The following PTPRN2 variants were observed in gnomAD, a reference collection of about 807,000 sequenced individuals.
PTPRN2 encodes the protein protein tyrosine phosphatase receptor type N2.
In PTPRN2, 74 loss-of-function variants were observed where a neutral mutation model predicts 118.8. The observed-to-expected ratio is 0.62, with a 90% CI of 0.52 to 0.76. PTPRN2 has a LOEUF of 0.76. Ranked by LOEUF, PTPRN2 falls within the 30% of genes least tolerant of loss-of-function variation. PTPRN2 has a pLI of 0.00. For synonymous variants in PTPRN2, 641 were observed against 608.0 expected (o/e 1.05, Z -0.80); for missense variants, 1,481 against 1,394.4 (o/e 1.06, Z -0.99).
chr7:157,614,180 G>A, intron 15 of PTPRN2: 1 of 461,070 alleles, frequency 2.2e-6, no homozygotes, highest in South Asian at 1.6e-5. Flanking sequence ...GGCCAGGGTG[G>A]AGCTCAGGGC....
chr7:158,278,819 A>G (rs7795387), intron 3 of PTPRN2, among the ~76,000 whole-genome samples: 42,571 of 151,884 alleles, frequency 0.28, 6,598 homozygotes, highest in African/African-American at 0.42. Context: ...AACACAGCGC[A>G]TCCAGAATTG....
intron 21 of PTPRN2, among the ~76,000 whole-genome samples, chr7:157,553,722 A>G (rs548107626): frequency 6.6e-6 from 1 of 152,198 alleles, no homozygotes; most frequent in Non-Finnish European, 1.5e-5. Context: ...ACGCTTAAAA[A>G]GTGTGCAGCA....
chr7:157,789,988 G>A (rs1804346047), intron 12 of PTPRN2, among the ~76,000 whole-genome samples: 1 of 127,546 alleles, frequency 7.8e-6, no homozygotes, highest in Non-Finnish European at 1.6e-5. Context: ...TGTGTGTGTG[G>A]TGGGGGTGTG....
chr7:158,151,918 A>G (rs1370042354), intron 6 of PTPRN2, among the ~76,000 whole-genome samples: 2 of 152,202 alleles, frequency 1.3e-5, no homozygotes, highest in Admixed American at 1.3e-4. Context: ...TCACGCCTGT[A>G]ATCCCAGCAC....
chr7:157,843,992 C>T (rs749986342), intron 12 of PTPRN2, among the ~76,000 whole-genome samples: 4 of 152,186 alleles, frequency 2.6e-5, no homozygotes, highest in Non-Finnish European at 5.9e-5. Flanking sequence ...AGGAAAGGTG[C>T]AGAGAAAGAC....
chr7:158,448,949 T>A (rs1817913713), intron 2 of PTPRN2, among the ~76,000 whole-genome samples: 1 of 152,052 alleles, frequency 6.6e-6, no homozygotes, highest in South Asian at 2.1e-4. Context: ...GTGTCCAAGA[T>A]GGAATTAAGG....
Position 158,544,633 on chromosome 7 carries a change from T to C in PTPRN2, c.112+42925A>G, listed in dbSNP as rs112308043. Among the ~76,000 whole-genome samples, 5,836 of 151,096 alleles carry C rather than the reference T, an allele frequency of 0.039. 353 individuals are homozygous for C. The highest frequency in any genetic ancestry group is 0.13 in the African/African-American group (5,233 of 41,108). On this transcript the variant is annotated intron_variant, in intron 1 of 22. Coordinates refer to ENST00000389418, the MANE Select transcript of PTPRN2 (RefSeq NM_002847.5). This position sits in a 1 kb window ranked among gnomAD's most constrained non-coding sequence, Gnocchi z 4.2. ...AGCCTGGGCAACAAGAACCAAACTC[T>C]GTCTCAAAAAAAAAAAAAATTATGA... is the stretch of plus-strand genomic sequence containing the variant.
intron 10 of PTPRN2, among the ~76,000 whole-genome samples, chr7:158,104,715 T>C (rs1815524467): frequency 6.9e-6 from 1 of 145,610 alleles, no homozygotes; most frequent in African/African-American, 2.6e-5. Context: ...CTCAGCTCCA[T>C]CAAACTCCAT....
rs534335051 is a variant in PTPRN2 at position 158,157,515 on chromosome 7, C to T, written c.910+9416G>A. Among the ~76,000 whole-genome samples, 22 of 152,308 alleles carry T rather than the reference C, an allele frequency of 1.4e-4. 1 individual carries two copies. Among genetic ancestry groups the T allele is most frequent in the African/African-American group, 5.3e-4 (22 of 41,576 alleles). On this transcript the variant is annotated intron_variant, in intron 6 of 22. Coordinates refer to ENST00000389418, the MANE Select transcript of PTPRN2 (RefSeq NM_002847.5). The stretch of plus-strand genomic sequence containing the variant: ...CCCAAATCTGAAAGCAGTGACTCTG[C>T]ACTAGTGCAGAAGTCGGGGAGCCTC...
rs1374530983 is a variant in PTPRN2 at position 158,517,921 on chromosome 7, A to T, written c.113-28136T>A. 6.6e-6 allele frequency among the ~76,000 whole-genome samples: 1 copy of T among 151,964 alleles called. No individual in the cohort carries two copies. Among genetic ancestry groups the T allele is most frequent in the Non-Finnish European group, 1.5e-5 (1 of 67,972 alleles). ...CTCCCCCCCAGTCTGACTAGAGTCCACTCATTTTTCAGGTACCAAGTTGCA... is the reference window on the plus strand; with the variant it reads ...CTCCCCCCCAGTCTGACTAGAGTCCTCTCATTTTTCAGGTACCAAGTTGCA... On this transcript the variant is annotated intron_variant, in intron 1 of 22. Transcript: ENST00000389418. This position sits in a 1 kb window ranked among gnomAD's most constrained non-coding sequence, Gnocchi z 5.3.
chr7:157,871,300 G>T (rs139177734), intron 12 of PTPRN2, among the ~76,000 whole-genome samples: 1 of 152,292 alleles, frequency 6.6e-6, no homozygotes, highest in East Asian at 1.9e-4. Flanking sequence ...GTTCTGGGGT[G>T]AACCAGCAAC....
intron 10 of PTPRN2, among the ~76,000 whole-genome samples, chr7:158,100,295 C>G (rs902470161): frequency 6.7e-6 from 1 of 150,132 alleles, no homozygotes; most frequent in African/African-American, 2.5e-5. Context: ...ATTTCTTTAT[C>G]TACTCATTGA....
intron 17 of PTPRN2, 104 bp from the exon 18 acceptor site, chr7:157,578,244 A>G (rs1351907945): frequency 3.7e-6 from 5 of 1,336,416 alleles, no homozygotes; most frequent in Non-Finnish European, 5.0e-6. Context: ...TTCCATTCAC[A>G]GGACATTTAT....
chr7:157,569,224 G>A (rs940999516), intron 20 of PTPRN2, among the ~76,000 whole-genome samples: 2 of 152,258 alleles, frequency 1.3e-5, no homozygotes, highest in African/African-American at 4.8e-5. Context: ...ACTCCCTCTT[G>A]CTTGTTCCCC....
At chr7:158,111,842 A>C (rs1816305470) in intron 9 of PTPRN2, among the ~76,000 whole-genome samples, 1 of 152,156 alleles carries the variant, frequency 6.6e-6, no homozygotes, top group African/African-American at 2.4e-5. Flanking sequence ...AAATCCTAAA[A>C]CCCAAATAAT....
At chr7:158,418,027 A>C (rs1384280026) in intron 2 of PTPRN2, among the ~76,000 whole-genome samples, 25 of 136,704 alleles carry the variant, frequency 1.8e-4, no homozygotes, top group East Asian at 4.5e-4. Context: ...TCTAGCTCTC[A>C]GTGTCCCGCT....
intron 11 of PTPRN2, among the ~76,000 whole-genome samples, chr7:158,041,275 G>A (rs1259160280): frequency 6.6e-6 from 1 of 152,196 alleles, no homozygotes; most frequent in Non-Finnish European, 1.5e-5. Flanking sequence ...GAATACAAAT[G>A]CATCATCTGT....
At chr7:158,532,679 C>T (rs1216596389) in intron 1 of PTPRN2, 1 of 532,058 alleles carries the variant, frequency 1.9e-6, no homozygotes, top group East Asian at 5.5e-5. Flanking sequence ...CAGCATGGAA[C>T]ATGGCAAAAA....
intron 2 of PTPRN2, among the ~76,000 whole-genome samples, chr7:158,488,901 G>C (rs919414437): frequency 2.0e-5 from 3 of 152,238 alleles, no homozygotes; most frequent in Non-Finnish European, 4.4e-5. Flanking sequence ...GAGGATACTG[G>C]AGTTTAACCC....
Sources: gnomAD v4.1 joint callset for allele counts (sites outside exome capture counted in the v4.1 genomes callset) on GRCh38, gnomAD v4.1.1 for gene constraint, Gnocchi (gnomAD v3.1) non-coding constraint, MANE v1.5 for transcripts, NCBI Gene and HGNC (gene_info 2026-07-23, HGNC 2026-07-21) for gene names.